Variants in PIGU observed in about 807,000 individuals in gnomAD.
PIGU encodes the protein GPI-anchor transamidase component PIGU.
A neutral mutation model predicts 49.9 loss-of-function variants in PIGU; 24 were observed. That is an observed-to-expected ratio of 0.48 (90% confidence interval 0.35 to 0.68). The LOEUF is 0.68. PIGU is among the 30% of genes least tolerant of loss of function. PIGU has a pLI of 0.01. For missense variants in PIGU, 490 were observed against 532.6 expected, an observed-to-expected ratio of 0.92 and a Z score of 0.79; for synonymous variants, 220 against 205.7, an observed-to-expected ratio of 1.07 and a Z score of -0.59.
At chr20:34,652,719 G>A (rs763273038) in intron 2 of PIGU, among the ~76,000 whole-genome samples, 1 of 151,968 alleles carries the variant, frequency 6.6e-6, no homozygotes, top group Non-Finnish European at 1.5e-5. Flanking sequence ...TGATCCATGG[G>A]TTAATTAAGA....
At chr20:34,661,432 T>C (rs1212798021) in intron 1 of PIGU, among the ~76,000 whole-genome samples, 1 of 152,200 alleles carries the variant, frequency 6.6e-6, no homozygotes, top group Non-Finnish European at 1.5e-5. Context: ...ACTCAGTGTT[T>C]AGCTTCCACT....
rs6059920 is a variant in PIGU at position 34,569,547 on chromosome 20, A to T, written c.1194+5557T>A. ...CAACCGGCCTACTAAAATAAAATTT[A>T]AAAAAGGAAGGGCAGGCAGACGAGA... On this transcript the variant is annotated intron_variant, in intron 11 of 11. Coordinates refer to ENST00000217446, the MANE Select transcript of PIGU (RefSeq NM_080476.5). 4.1e-3 allele frequency among the ~76,000 whole-genome samples: 631 copies of T among 152,278 alleles called. 14 individuals carry two copies. Among genetic ancestry groups the T allele is most frequent in the African/African-American group, 0.014 (570 of 41,562 alleles).
chr20:34,648,142 T>C (rs1394339306), intron 2 of PIGU, among the ~76,000 whole-genome samples: 1 of 151,738 alleles, frequency 6.6e-6, no homozygotes, highest in Non-Finnish European at 1.5e-5. Flanking sequence ...TCCAAGCTAC[T>C]TGGGAGGCTG....
At chr20:34,569,117 C>A (rs181682210) in intron 11 of PIGU, among the ~76,000 whole-genome samples, 1 of 151,950 alleles carries the variant, frequency 6.6e-6, no homozygotes, top group Non-Finnish European at 1.5e-5. Flanking sequence ...GGTGGGAGGA[C>A]CTCTTGAGCC....
At chr20:34,608,525 C>CT (rs1317511752) in intron 7 of PIGU, among the ~76,000 whole-genome samples, 3 of 151,824 alleles carry the variant, frequency 2.0e-5, no homozygotes, top group Non-Finnish European at 2.9e-5. Flanking sequence ...GACTATTTTG[C>CT]TTTTTTTTGT....
chr20:34,661,584 G>A (rs1343448555), intron 1 of PIGU, among the ~76,000 whole-genome samples: 1 of 151,098 alleles, frequency 6.6e-6, no homozygotes, highest in Non-Finnish European at 1.5e-5. Context: ...GTTCCATGGT[G>A]TATATGTACA....
chr20:34,625,850 C>G (rs949085638), intron 6 of PIGU, among the ~76,000 whole-genome samples: 25 of 151,006 alleles, frequency 1.7e-4, no homozygotes, highest in African/African-American at 5.8e-4. Flanking sequence ...TGTGAAGTTA[C>G]AGTGAGCTAT....
chr20:34,574,706 G>A (rs2146699083), intron 11 of PIGU, among the ~76,000 whole-genome samples: 1 of 152,222 alleles, frequency 6.6e-6, no homozygotes, highest in Middle Eastern at 3.4e-3. Context: ...CCCTATGGGT[G>A]CTGGAACCAC....
intron 11 of PIGU, among the ~76,000 whole-genome samples, chr20:34,566,667 T>C (rs1358647427): frequency 6.6e-6 from 1 of 152,044 alleles, no homozygotes; most frequent in East Asian, 1.9e-4. Context: ...AATGCCTACT[T>C]AGAGAAGGGA....
intron 1 of PIGU, among the ~76,000 whole-genome samples, chr20:34,668,630 G>T (rs999457326): frequency 6.8e-6 from 1 of 147,684 alleles, no homozygotes; most frequent in Non-Finnish European, 1.5e-5. Context: ...TTAGCCAGGC[G>T]AGGTGGCGGG....
At chr20:34,640,496 C>CGT (rs1568653822) in intron 4 of PIGU, among the ~76,000 whole-genome samples, 3 of 21,674 alleles carry the variant, frequency 1.4e-4, no homozygotes, top group African/African-American at 3.8e-4. Context: ...CATGTGCGCA[C>CGT]GCGCACACAC....
At chr20:34,607,752 A>G (rs1243414326) in intron 7 of PIGU, among the ~76,000 whole-genome samples, 2 of 151,494 alleles carry the variant, frequency 1.3e-5, no homozygotes, top group Non-Finnish European at 3.0e-5. Context: ...TGAGTACCCC[A>G]CTAGACATTG....
intron 8 of PIGU, among the ~76,000 whole-genome samples, chr20:34,587,594 GA>G (rs1330769550): frequency 2.0e-5 from 3 of 152,046 alleles, no homozygotes; most frequent in Admixed American, 1.3e-4. Context: ...GAAAAGAAAA[GA>G]AAAAAACATA....
chr20:34,622,585 C>T (rs1332844099), intron 6 of PIGU, among the ~76,000 whole-genome samples: 2 of 152,088 alleles, frequency 1.3e-5, no homozygotes, highest in Non-Finnish European at 2.9e-5. Context: ...AGTCAGATCA[C>T]GGAGGGCTAA....
At chr20:34,612,428 G>A (rs1218840028) in intron 7 of PIGU, among the ~76,000 whole-genome samples, 1 of 151,904 alleles carries the variant, frequency 6.6e-6, no homozygotes, top group Non-Finnish European at 1.5e-5. Context: ...CCTAGATGAT[G>A]GGTTGATACG....
At chr20:34,572,514 C>A (rs1227259022) in intron 11 of PIGU, among the ~76,000 whole-genome samples, 2 of 152,066 alleles carry the variant, frequency 1.3e-5, no homozygotes. Flanking sequence ...ATTAGGCGGG[C>A]ATGGTAGTGC....
At chr20:34,663,244 A>C (rs533721297) in intron 1 of PIGU, among the ~76,000 whole-genome samples, 1 of 152,242 alleles carries the variant, frequency 6.6e-6, no homozygotes, top group Non-Finnish European at 1.5e-5. Context: ...TTACCTATTA[A>C]AAAATAGGTA....
intron 9 of PIGU, among the ~76,000 whole-genome samples, chr20:34,584,097 C>T (rs190855506): frequency 9.1e-4 from 138 of 152,238 alleles, no homozygotes; most frequent in South Asian, 2.5e-3. Context: ...GATTCTGGAG[C>T]CAGACAAACC....
At chr20:34,563,507 C>T (rs996935454) in intron 11 of PIGU, among the ~76,000 whole-genome samples, 1 of 151,938 alleles carries the variant, frequency 6.6e-6, no homozygotes, top group African/African-American at 2.4e-5. Context: ...GGCGGAGATG[C>T]GCCATTGCAC....
Sources: gnomAD v4.1 joint callset for allele counts (sites outside exome capture counted in the v4.1 genomes callset) on GRCh38, gnomAD v4.1.1 for gene constraint, MANE v1.5 for transcripts, NCBI Gene and HGNC (gene_info 2026-07-23, HGNC 2026-07-21) for gene names.